The following NOS1AP variants were observed in gnomAD, a reference collection of about 807,000 sequenced individuals.
NOS1AP encodes the protein nitric oxide synthase 1 adaptor protein, also known as carboxyl-terminal PDZ ligand of neuronal nitric oxide synthase protein.
Under a neutral mutation model 56.2 loss-of-function variants are expected in NOS1AP, and 21 were observed. The observed-to-expected ratio is 0.37, with a 90% CI of 0.26 to 0.54. The LOEUF is 0.54. Among genes scored for constraint, NOS1AP ranks in the 20% least tolerant of loss-of-function variants. The probability of loss-of-function intolerance (pLI) is 0.84; values close to 1 mark genes in which losing one functional copy is unlikely to be tolerated. For synonymous variants in NOS1AP, 270 were observed against 274.6 expected, an observed-to-expected ratio of 0.98 and a Z score of 0.17; for missense variants, 522 against 657.8, an observed-to-expected ratio of 0.79 and a Z score of 2.26.
At chr1:162,293,534 A>C (rs1655343293) in intron 3 of NOS1AP, among the ~76,000 whole-genome samples, 1 of 152,212 alleles carries the variant, frequency 6.6e-6, no homozygotes, top group South Asian at 2.1e-4. Flanking sequence ...CCTTGCCAGG[A>C]GCTTTTAGAA....
At chr1:162,319,998 GGCA>G (rs1320368695) in intron 4 of NOS1AP, among the ~76,000 whole-genome samples, 1 of 152,132 alleles carries the variant, frequency 6.6e-6, no homozygotes, top group Non-Finnish European at 1.5e-5. Context: ...AGTTCCCACA[GGCA>G]GCTGGCTGCA....
At chr1:162,231,072 A>G (rs1239598221) in intron 2 of NOS1AP, among the ~76,000 whole-genome samples, 1 of 139,728 alleles carries the variant, frequency 7.2e-6, no homozygotes, top group Non-Finnish European at 1.6e-5. Context: ...ACTATTTTCC[A>G]TAGCAAATGC....
intron 1 of NOS1AP, among the ~76,000 whole-genome samples, chr1:162,115,485 G>A (rs1163724866): frequency 6.6e-6 from 1 of 152,052 alleles, no homozygotes; most frequent in Non-Finnish European, 1.5e-5. Context: ...TTTGTGAGGG[G>A]ATTCTTGGAA....
At chr1:162,111,313 A>G (rs1647701552) in intron 1 of NOS1AP, among the ~76,000 whole-genome samples, 1 of 152,222 alleles carries the variant, frequency 6.6e-6, no homozygotes, top group Non-Finnish European at 1.5e-5. Context: ...ACAGGAGAGA[A>G]CATGAAAGCC....
At chr1:162,116,399 G>A (rs1043511326) in intron 1 of NOS1AP, among the ~76,000 whole-genome samples, 4 of 152,172 alleles carry the variant, frequency 2.6e-5, no homozygotes, top group Non-Finnish European at 5.9e-5. Context: ...CCATCCCCCA[G>A]ATGGTGACCC....
intron 1 of NOS1AP, among the ~76,000 whole-genome samples, chr1:162,089,586 G>A (rs1423630419): frequency 6.6e-6 from 1 of 152,148 alleles, no homozygotes; most frequent in Admixed American, 6.6e-5. Context: ...TTGTATATGT[G>A]ATTAAGTTTA....
intron 1 of NOS1AP, among the ~76,000 whole-genome samples, chr1:162,096,654 C>T (rs1692248625): frequency 6.6e-6 from 1 of 152,066 alleles, no homozygotes; most frequent in Non-Finnish European, 1.5e-5. Flanking sequence ...TAACATTATA[C>T]AGTGTTGTTT....
chr1:162,086,931 G>A (rs1178654616), intron 1 of NOS1AP, among the ~76,000 whole-genome samples: 1 of 152,140 alleles, frequency 6.6e-6, no homozygotes, highest in East Asian at 1.9e-4. Context: ...CATCTTGTGA[G>A]GGTTAGCTCA....
intron 2 of NOS1AP, among the ~76,000 whole-genome samples, chr1:162,227,192 C>G (rs1318064904): frequency 2.0e-5 from 3 of 152,170 alleles, no homozygotes; most frequent in African/African-American, 7.2e-5. Flanking sequence ...CTTTCCCCCG[C>G]TGTGCATTGA....
intron 2 of NOS1AP, among the ~76,000 whole-genome samples, chr1:162,238,258 C>G (rs530581544): frequency 6.6e-6 from 1 of 152,024 alleles, no homozygotes; most frequent in Admixed American, 6.5e-5. Context: ...TCCTTTGGAG[C>G]ATGGATGGGT....
chr1:162,313,861 C>T (rs1656140753), intron 4 of NOS1AP, among the ~76,000 whole-genome samples: 1 of 152,108 alleles, frequency 6.6e-6, no homozygotes, highest in Non-Finnish European at 1.5e-5. Flanking sequence ...GGGCTTTCTG[C>T]CTCTGCTGGC....
At chr1:162,314,200 A>G (rs1405169569) in intron 4 of NOS1AP, among the ~76,000 whole-genome samples, 1 of 152,204 alleles carries the variant, frequency 6.6e-6, no homozygotes, top group Non-Finnish European at 1.5e-5. Flanking sequence ...CCCCCAGGGC[A>G]GGGAGCTCAT....
intron 1 of NOS1AP, among the ~76,000 whole-genome samples, chr1:162,101,529 G>T (rs1647261769): frequency 6.6e-6 from 1 of 152,120 alleles, no homozygotes; most frequent in Admixed American, 6.5e-5. Context: ...TGGGCAGTAT[G>T]TACTTTGGGC....
chr1:162,238,250 C>G lies in NOS1AP; in HGVS notation c.178-49094C>G, dbSNP rs142114121. ...ATGAATAAGAGAAAGGTGTCTCTTC[C>G]TTTGGAGCATGGATGGGTTCCAGTC... On this transcript the variant is annotated intron_variant, in intron 2 of 9. Coordinates refer to ENST00000361897, the MANE Select transcript of NOS1AP (RefSeq NM_014697.3). Among the ~76,000 whole-genome samples, 864 of 152,122 alleles carry G rather than the reference C, an allele frequency of 5.7e-3. 2 individuals carry two copies. The highest frequency in any genetic ancestry group is 9.3e-3 in the Non-Finnish European group (631 of 67,992).
At chr1:162,240,764 T>C (rs996702465) in intron 2 of NOS1AP, among the ~76,000 whole-genome samples, 4 of 152,234 alleles carry the variant, frequency 2.6e-5, no homozygotes, top group African/African-American at 9.6e-5. Context: ...ATTCAACAAA[T>C]ATTTACTGAG....
At chr1:162,109,431 T>G (rs1331873980) in intron 1 of NOS1AP, among the ~76,000 whole-genome samples, 1 of 152,220 alleles carries the variant, frequency 6.6e-6, no homozygotes, top group Non-Finnish European at 1.5e-5. Context: ...GCATATTGAA[T>G]TATTTACTTC....
rs5778260 is a variant in NOS1AP, at chr1:162,240,244, AGTGTGT to A, written c.178-47065_178-47060del. ...CCCATTCCTGCTGCACTGTGTGGCC[AGTGTGT>A]GTGTGTGTGTGTGTGTGTGTGTGTG... On this transcript the variant is annotated intron_variant, in intron 2 of 9. Transcript: ENST00000361897. 3.5e-4 allele frequency among the ~76,000 whole-genome samples: 49 copies of A among 141,302 alleles called. No individual in the cohort carries two copies. The East Asian group carries it at 6.3e-3, about 18-fold the overall frequency. The allele number at this position is 141,302 out of a possible 152,430, so 92.7% of individuals were successfully genotyped here. A position where few individuals can be genotyped will look rare whatever the true frequency, so the allele number is the denominator to read the frequency against.
At chr1:162,269,792 A>G (rs1049433441) in intron 2 of NOS1AP, among the ~76,000 whole-genome samples, 1 of 152,132 alleles carries the variant, frequency 6.6e-6, no homozygotes, top group African/African-American at 2.4e-5. Context: ...TTGAAAAATC[A>G]GGAAAGAGAG....
At chr1:162,275,496 A>G (rs1654705695) in intron 2 of NOS1AP, among the ~76,000 whole-genome samples, 1 of 152,162 alleles carries the variant, frequency 6.6e-6, no homozygotes, top group Admixed American at 6.5e-5. Flanking sequence ...TTCTGGCATA[A>G]GGTATGAGGT....
Sources: allele counts gnomAD v4.1 joint callset (sites outside exome capture counted in the v4.1 genomes callset), GRCh38; gene constraint gnomAD v4.1.1; transcripts MANE v1.5; gene names NCBI Gene and HGNC (gene_info 2026-07-23, HGNC 2026-07-21).